The following MECOM variants were observed in gnomAD, a reference collection of about 807,000 sequenced individuals.
The protein encoded by MECOM is MDS1 and EVI1 complex locus.
In MECOM, 13 loss-of-function variants were observed where a neutral mutation model predicts 116.3. That is an observed-to-expected ratio of 0.11 (90% CI 0.07 to 0.18). The LOEUF (loss-of-function observed/expected upper bound fraction) is 0.18, where lower values mean the gene tolerates loss of function less well. Among genes scored for constraint, MECOM ranks in the 10% least tolerant of loss-of-function variants. MECOM has a pLI of 1.00. For synonymous variants in MECOM, 528 were observed against 535.2 expected (o/e 0.99, Z 0.19); for missense variants, 1,299 against 1,509.0 (o/e 0.86, Z 2.31).
intron 2 of MECOM, among the ~76,000 whole-genome samples, chr3:169,215,698 C>T (rs868481830): frequency 2.6e-5 from 4 of 152,294 alleles, no homozygotes; most frequent in Non-Finnish European, 2.9e-5. Context: ...TACAAAAGAA[C>T]AATAGATTTC....
chr3:169,240,850 T>C (rs180832386), intron 2 of MECOM, among the ~76,000 whole-genome samples: 1 of 152,182 alleles, frequency 6.6e-6, no homozygotes, highest in Non-Finnish European at 1.5e-5. Flanking sequence ...CCCTTTTTAT[T>C]ATCTACTGTA....
At chr3:169,405,416 T>C (rs1560231197) in intron 1 of MECOM, among the ~76,000 whole-genome samples, 2 of 151,970 alleles carry the variant, frequency 1.3e-5, no homozygotes, top group Non-Finnish European at 2.9e-5. Context: ...TAATCCAAGC[T>C]AAAAAAAAGA....
intron 1 of MECOM, among the ~76,000 whole-genome samples, chr3:169,424,905 AG>A (rs750649917): frequency 6.6e-6 from 1 of 152,050 alleles, no homozygotes; most frequent in Non-Finnish European, 1.5e-5. Context: ...GATTTCTTTC[AG>A]GGTTAGTTTT....
At chr3:169,377,222 C>G (rs912544538) in intron 2 of MECOM, among the ~76,000 whole-genome samples, 1 of 152,254 alleles carries the variant, frequency 6.6e-6, no homozygotes. Flanking sequence ...ACCATAAAAA[C>G]TCTAGAAGAA....
chr3:169,550,125 CT>C (rs1330187433), intron 1 of MECOM, among the ~76,000 whole-genome samples: 1 of 152,132 alleles, frequency 6.6e-6, no homozygotes, highest in Non-Finnish European at 1.5e-5. Flanking sequence ...AGGAAGATAA[CT>C]GTCATTGAAG....
intron 1 of MECOM, among the ~76,000 whole-genome samples, chr3:169,443,234 C>G (rs1329167127): frequency 2.0e-5 from 3 of 152,140 alleles, no homozygotes; most frequent in Non-Finnish European, 4.4e-5. Context: ...CTCCTTGACT[C>G]TCTTCCAAAT....
chr3:169,164,903 T>C (rs1277831033), intron 2 of MECOM, among the ~76,000 whole-genome samples: 11 of 152,166 alleles, frequency 7.2e-5, no homozygotes, highest in Admixed American at 1.3e-4. Context: ...CAAAAAGCAC[T>C]TGTGGTCTGC....
intron 4 of MECOM, among the ~76,000 whole-genome samples, chr3:169,128,408 T>C (rs1373917010): frequency 6.6e-6 from 1 of 152,200 alleles, no homozygotes; most frequent in Non-Finnish European, 1.5e-5. Flanking sequence ...AAAACCTGAT[T>C]ATGAGGAATT....
At chr3:169,505,326 A>ATTTTTCTT (rs1755066911) in intron 1 of MECOM, among the ~76,000 whole-genome samples, 1 of 147,662 alleles carries the variant, frequency 6.8e-6, no homozygotes. Context: ...TTTTTTGCCA[A>ATTTTTCTT]CATGTGGTAT....
rs1438287106 is a variant in MECOM at position 169,617,230 on chromosome 3, A to G, written c.37+46106T>C. On this transcript the variant is annotated intron_variant, in intron 1 of 16. Coordinates refer to ENST00000651503, the MANE Select transcript of MECOM (RefSeq NM_004991.4). Reference sequence around the variant, plus strand: ...CCCTAACAGAGGTAGGACCATAGGTAATTATTATTTTTTATGTATTTCTAT... The same window carrying G: ...CCCTAACAGAGGTAGGACCATAGGTGATTATTATTTTTTATGTATTTCTAT... Among the ~76,000 whole-genome samples, 3 of 152,218 alleles carry G rather than the reference A, an allele frequency of 2.0e-5. No homozygotes were observed. The East Asian group carries it at 5.8e-4, about 29-fold the overall frequency.
At chr3:169,467,590 G>C (rs1367180607) in intron 1 of MECOM, among the ~76,000 whole-genome samples, 2 of 152,064 alleles carry the variant, frequency 1.3e-5, no homozygotes, top group Admixed American at 1.3e-4. Flanking sequence ...AACTACCAAG[G>C]GAGCTCTACA....
chr3:169,109,245 A>C (rs1258955440), intron 9 of MECOM, among the ~76,000 whole-genome samples: 1 of 152,208 alleles, frequency 6.6e-6, no homozygotes, highest in African/African-American at 2.4e-5. Context: ...AAGCCTCTAC[A>C]ACGCTTATTT....
intron 2 of MECOM, among the ~76,000 whole-genome samples, chr3:169,243,222 A>G (rs371959434): frequency 6.6e-6 from 1 of 152,164 alleles, no homozygotes; most frequent in African/African-American, 2.4e-5. Context: ...GACAGCCACT[A>G]TAAAGTACTC....
At chr3:169,462,898 C>A (rs1747694929) in intron 1 of MECOM, among the ~76,000 whole-genome samples, 1 of 152,038 alleles carries the variant, frequency 6.6e-6, no homozygotes, top group Non-Finnish European at 1.5e-5. Flanking sequence ...GTAAAACATG[C>A]AAATTTTAAA....
At position 169,201,741 on chromosome 3, in the gene MECOM, C is replaced by T. The variant is rs965926976; in HGVS notation, c.376-57909G>A. ...AACTTGGCTAAACGATCGTACATTTCCAATCATGCTTAAATAAACATAAAA... is the reference window on the plus strand; with the variant it reads ...AACTTGGCTAAACGATCGTACATTTTCAATCATGCTTAAATAAACATAAAA... On this transcript the variant is annotated intron_variant, in intron 2 of 16. Coordinates refer to ENST00000651503, the MANE Select transcript of MECOM (RefSeq NM_004991.4). Among the ~76,000 whole-genome samples, 3 of 152,184 alleles carry T rather than the reference C, an allele frequency of 2.0e-5. 1 individual carries two copies. In the South Asian group the frequency reaches 6.2e-4, roughly 31 times the overall value.
intron 1 of MECOM, among the ~76,000 whole-genome samples, chr3:169,424,256 G>A (rs10513667): frequency 0.058 from 8,830 of 152,086 alleles, 271 homozygotes; most frequent in Non-Finnish European, 0.066. Flanking sequence ...CTGAGGTTTC[G>A]TCAAATTCCT....
At chr3:169,177,684 AG>A (rs1745365640) in intron 2 of MECOM, among the ~76,000 whole-genome samples, 1 of 152,220 alleles carries the variant, frequency 6.6e-6, no homozygotes, top group Non-Finnish European at 1.5e-5. Flanking sequence ...TGGGAAGCCA[AG>A]GCGGGCAGAT....
At chr3:169,335,417 T>C (rs1222035883) in intron 2 of MECOM, among the ~76,000 whole-genome samples, 3 of 152,168 alleles carry the variant, frequency 2.0e-5, no homozygotes, top group Non-Finnish European at 4.4e-5. Context: ...TGAAACAGAA[T>C]ACAATTCTGT....
At chr3:169,531,415 T>G (rs1758608283) in intron 1 of MECOM, among the ~76,000 whole-genome samples, 1 of 152,208 alleles carries the variant, frequency 6.6e-6, no homozygotes, top group Admixed American at 6.5e-5. Context: ...ACTCTAAATT[T>G]AAAGGATACT....
Sources: gnomAD v4.1 joint callset for allele counts (sites outside exome capture counted in the v4.1 genomes callset) on GRCh38, gnomAD v4.1.1 for gene constraint, MANE v1.5 for transcripts, NCBI Gene and HGNC (gene_info 2026-07-23, HGNC 2026-07-21) for gene names.